The following STK10 variants were observed in gnomAD, a reference collection of about 807,000 sequenced individuals.
The protein encoded by STK10 is serine/threonine-protein kinase 10.
In STK10, 78 loss-of-function variants were observed where a neutral mutation model predicts 113.8. The observed-to-expected ratio is 0.69, with a 90% confidence interval of 0.57 to 0.83. The LOEUF (loss-of-function observed/expected upper bound fraction) is 0.83. STK10 is among the 40% of genes least tolerant of loss of function. The pLI, the probability that STK10 is intolerant of heterozygous loss-of-function variation, is 0.00. For synonymous variants in STK10, 465 were observed against 494.7 expected (o/e 0.94, Z 0.80); for missense variants, 1,109 against 1,280.1 (o/e 0.87, Z 2.04).
intron 1 of STK10, among the ~76,000 whole-genome samples, chr5:172,183,773 C>CT (rs1770904371): frequency 6.6e-6 from 1 of 152,170 alleles, no homozygotes; most frequent in South Asian, 2.1e-4. Flanking sequence ...GAATGGTTTT[C>CT]TTTTGAAACC....
At chr5:172,149,455 G>T (rs1188050687) in intron 2 of STK10, among the ~76,000 whole-genome samples, 1 of 152,168 alleles carries the variant, frequency 6.6e-6, no homozygotes, top group Non-Finnish European at 1.5e-5. Context: ...CTCCAGGGCT[G>T]CAAAGCCTGT....
chr5:172,110,257 G>T (rs3111480), intron 4 of STK10, among the ~76,000 whole-genome samples: 1 of 152,304 alleles, frequency 6.6e-6, no homozygotes, highest in East Asian at 1.9e-4. Flanking sequence ...ACAGTAGGGG[G>T]TGTGACCTCG....
In STK10 at chr5:172,157,426, T is replaced by G. The variant is rs577011486; in HGVS notation, c.157-638A>C. ...ACAAAAATTAGCCAGTGTGGTGGCA[T>G]GCGCCTGTAGTCCCAGCTATTGGGG... On this transcript the variant is annotated intron_variant, in intron 1 of 18. Coordinates refer to ENST00000176763, the MANE Select transcript of STK10 (RefSeq NM_005990.4). 3.4e-3 allele frequency among the ~76,000 whole-genome samples: 512 copies of G among 152,168 alleles called. 8 individuals are homozygous for G. Among genetic ancestry groups the G allele is most frequent in the African/African-American group, 0.012 (484 of 41,538 alleles).
chr5:172,064,545 G>A (rs73801816), intron 13 of STK10, 175 bp downstream of exon 13: 72 of 644,052 alleles, frequency 1.1e-4, no homozygotes, highest in African/African-American at 4.0e-4. Context: ...CAGGGCAATC[G>A]AGGAAGGCTG....
At position 172,080,176 on chromosome 5, in the gene STK10, C is replaced by T. The variant is rs774519612; in HGVS notation, c.1989+2150G>A. The stretch of plus-strand genomic sequence containing the variant: ...CTCCTGTAATTGTTATAGGGTGCCA[C>T]GAGCCCATATAAGACAGCAAACTTA... On this transcript the variant is annotated intron_variant, in intron 12 of 18. Coordinates refer to ENST00000176763, the MANE Select transcript of STK10 (RefSeq NM_005990.4). Among the ~76,000 whole-genome samples, 3 of 152,188 alleles carry T rather than the reference C, an allele frequency of 2.0e-5. 1 individual carries two copies. Among genetic ancestry groups the T allele is most frequent in the Middle Eastern group, 6.8e-3 (2 of 294 alleles).
At chr5:172,090,120 T>C (rs772354452) in intron 10 of STK10, 112 bp downstream of exon 10, 12 of 1,466,222 alleles carry the variant, frequency 8.2e-6, no homozygotes, top group African/African-American at 1.4e-5. Flanking sequence ...GCCTCCTTGA[T>C]TCCCCCACTT....
intron 2 of STK10, among the ~76,000 whole-genome samples, chr5:172,139,146 C>T (rs1769927776): frequency 6.6e-6 from 1 of 152,210 alleles, no homozygotes; most frequent in African/African-American, 2.4e-5. Flanking sequence ...ATTGTAATCC[C>T]TGTCAAATCC....
At chr5:172,064,835 T>C (rs760524510) in intron 12 of STK10, 23 bp from the exon 13 acceptor site, 2 of 1,612,694 alleles carry the variant, frequency 1.2e-6, no homozygotes, top group Admixed American at 3.3e-5. Context: ...CAGCAGAGAG[T>C]AGCTGGGTCA....
At chr5:172,073,063 T>C (rs1394377004) in intron 12 of STK10, among the ~76,000 whole-genome samples, 1 of 152,192 alleles carries the variant, frequency 6.6e-6, no homozygotes, top group Non-Finnish European at 1.5e-5. Flanking sequence ...AGCCTCGAAC[T>C]CCTGGGCTCA....
At chr5:172,072,630 AGG>A (rs1768221731) in intron 12 of STK10, among the ~76,000 whole-genome samples, 1 of 152,170 alleles carries the variant, frequency 6.6e-6, no homozygotes, top group African/African-American at 2.4e-5. Context: ...TAATCCAATG[AGG>A]GCAGCTATAA....
intron 2 of STK10, among the ~76,000 whole-genome samples, chr5:172,143,891 G>T (rs1770028198): frequency 6.6e-6 from 1 of 152,186 alleles, no homozygotes; most frequent in Non-Finnish European, 1.5e-5. Flanking sequence ...GTAGCCTTAA[G>T]ATGCCCAGAA....
rs5873300 is a variant in STK10, at chr5:172,089,393, C to CATGG, written c.1685+835_1685+838dup. Among the ~76,000 whole-genome samples the CATGG allele has an allele frequency of 2.2e-3, 292 of 132,994 alleles. 3 individuals are homozygous for CATGG. The highest frequency in any genetic ancestry group is 6.7e-3 in the African/African-American group (208 of 31,078). 87.2% of individuals were successfully genotyped at this position (132,994 alleles called of 152,430 possible). On this transcript the variant is annotated intron_variant, in intron 10 of 18. Transcript: ENST00000176763. ...CTCCAACCTGGTGGGTTGGTGGATA[C>CATGG]ATGGATGGATGGATGGATGGATGGA... is the stretch of plus-strand genomic sequence containing the variant.
At chr5:172,132,527 G>A (rs17570583) in intron 2 of STK10, among the ~76,000 whole-genome samples, 11,519 of 152,046 alleles carry the variant, frequency 0.076, 627 homozygotes, top group Middle Eastern at 0.14. Context: ...CCTCAGGATC[G>A]GAAAGCTAAA....
At chr5:172,105,518 G>A in intron 7 of STK10, 138 bp downstream of exon 7, 1 of 888,834 alleles carries the variant, frequency 1.1e-6, no homozygotes, top group Non-Finnish European at 1.7e-6. Context: ...GGAGGTGCCT[G>A]GGGAATACCC....
At chr5:172,138,253 C>G (rs1406089156) in intron 2 of STK10, among the ~76,000 whole-genome samples, 1 of 152,126 alleles carries the variant, frequency 6.6e-6, no homozygotes, top group East Asian at 1.9e-4. Flanking sequence ...TCCCAAGTAG[C>G]TGGAATTACA....
chr5:172,136,880 G>A (rs184975743), intron 2 of STK10, among the ~76,000 whole-genome samples: 59 of 151,466 alleles, frequency 3.9e-4, no homozygotes, highest in Middle Eastern at 3.4e-3. Flanking sequence ...GAACATGTAG[G>A]TTAGTTACAT....
At chr5:172,050,762 G>A (rs1235216828) in intron 18 of STK10, among the ~76,000 whole-genome samples, 1 of 151,782 alleles carries the variant, frequency 6.6e-6, no homozygotes, top group East Asian at 1.9e-4. Context: ...ACCCAGGCGG[G>A]AGTGCAGTAG....
intron 12 of STK10, among the ~76,000 whole-genome samples, chr5:172,067,817 A>G (rs1768101466): frequency 6.6e-6 from 1 of 152,150 alleles, no homozygotes; most frequent in Non-Finnish European, 1.5e-5. Context: ...GGTTTCAGGA[A>G]CTTATGGGAA....
intron 13 of STK10, chr5:172,064,405 G>C: frequency 5.1e-6 from 2 of 395,202 alleles, no homozygotes; most frequent in South Asian, 3.2e-5. Context: ...AATATACTGG[G>C]TTGGTCAAGG....
Sources: gnomAD v4.1 joint callset for allele counts (sites outside exome capture counted in the v4.1 genomes callset) on GRCh38, gnomAD v4.1.1 for gene constraint, MANE v1.5 for transcripts, NCBI Gene and HGNC (gene_info 2026-07-23, HGNC 2026-07-21) for gene names.